The following COL15A1 variants were observed in gnomAD, a reference collection of about 807,000 sequenced individuals.
The protein encoded by COL15A1 is collagen type XV alpha 1 chain.
In COL15A1, 111 loss-of-function variants were observed where a neutral mutation model predicts 165.9. The ratio of observed to expected loss-of-function variants is 0.67; its 90% confidence interval spans 0.57 to 0.78. The LOEUF (loss-of-function observed/expected upper bound fraction) is 0.78. Among genes scored for constraint, COL15A1 ranks in the 30% least tolerant of loss-of-function variants. The probability of loss-of-function intolerance (pLI) is 0.00; values close to 1 mark genes in which losing one functional copy is unlikely to be tolerated. For missense variants in COL15A1, 1,745 were observed against 1,789.7 expected (o/e 0.98, Z 0.45); for synonymous variants, 659 against 674.8 (o/e 0.98, Z 0.36).
chr9:99,045,945 G>A (rs1588531830), intron 26 of COL15A1, among the ~76,000 whole-genome samples: 2 of 152,326 alleles, frequency 1.3e-5, no homozygotes, highest in East Asian at 3.9e-4. Context: ...AACTTTCGAG[G>A]TGAATCCTTC....
intron 2 of COL15A1, among the ~76,000 whole-genome samples, chr9:98,948,193 A>G (rs1237119806): frequency 6.6e-6 from 1 of 152,204 alleles, no homozygotes; most frequent in East Asian, 1.9e-4. Flanking sequence ...TCACAGGAAG[A>G]AAGAAAGGGC....
Position 99,054,599 on chromosome 9 carries a change from T to A in COL15A1, c.2974T>A (p.Trp992Arg), listed in dbSNP as rs773224147. 1 of 1,613,104 alleles carries A rather than the reference T, an allele frequency of 6.2e-7. No homozygotes were observed. The highest frequency in any genetic ancestry group is 8.5e-7 in the Non-Finnish European group (1 of 1,179,694). The change falls in exon 32 of 42, where the codon TGG becomes AGG. Residue 992 changes from tryptophan to arginine, a missense_variant. Physicochemically the swap from Trp to Arg is moderately radical, Grantham distance 101. Coordinates refer to ENST00000375001, the MANE Select transcript of COL15A1 (RefSeq NM_001855.5). ...FHGVKGEKGS[W>R]GLPGSKGEKG... is the part of the protein sequence containing the mutation. ...AGGTGTTAAAGGAGAGAAAGGATCC[T>A]GGGGTCTTCCTGGCTCAAAGGGAGA...
chr9:99,031,384 C>T (rs1839211217), intron 16 of COL15A1, among the ~76,000 whole-genome samples: 1 of 152,192 alleles, frequency 6.6e-6, no homozygotes, highest in Non-Finnish European at 1.5e-5. Context: ...CTTCCTCCAG[C>T]ATCAGGTGGA....
At chr9:98,947,121 T>C (rs1837600026) in intron 2 of COL15A1, among the ~76,000 whole-genome samples, 1 of 152,188 alleles carries the variant, frequency 6.6e-6, no homozygotes, top group African/African-American at 2.4e-5. Context: ...TTATTTATAA[T>C]GACCAAAACT....
Position 99,062,049 on chromosome 9 carries a change from G to T in COL15A1, c.3481G>T (p.Asp1161Tyr). The part of the protein sequence containing the change: ...VIEGTFIYLR[D>Y]STEFFIRVRD... ...AGAAGGAACATTCATCTACCTGAGGGACAGCACTGAGTTTTTCATTCGTGT... is the reference window on the plus strand; with the variant it reads ...AGAAGGAACATTCATCTACCTGAGGTACAGCACTGAGTTTTTCATTCGTGT... Residue 1161 changes from aspartate (D) to tyrosine (Y), a missense_variant, in exon 37 of 42, where the codon GAC becomes TAC. Transcript: ENST00000375001. 1 of 1,614,138 alleles carries T rather than the reference G, an allele frequency of 6.2e-7. No homozygotes were observed.
intron 2 of COL15A1, among the ~76,000 whole-genome samples, chr9:98,961,138 A>T (rs1837858832): frequency 1.3e-5 from 2 of 152,184 alleles, no homozygotes; most frequent in Non-Finnish European, 2.9e-5. Context: ...TTTCTCATTC[A>T]TCCATTTGTT....
rs779310746 is a variant in COL15A1 at position 99,056,441 on chromosome 9, C to T, written c.3337+37C>T. ...AAACAGTGCCCTTGTTCATGCTGTC[C>T]CTACCATTGTGTTCAAGGTCACAGC... is the stretch of plus-strand genomic sequence containing the variant. On this transcript the variant is annotated intron_variant, in intron 35 of 41. Coordinates refer to ENST00000375001, the MANE Select transcript of COL15A1 (RefSeq NM_001855.5). 2.6e-6 allele frequency: 4 copies of T among 1,557,256 alleles called. No homozygotes were observed. In the African/African-American group the frequency reaches 4.1e-5, roughly 16 times the overall value.
chr9:99,032,838 G>T (rs531752322), intron 16 of COL15A1, among the ~76,000 whole-genome samples: 105 of 152,242 alleles, frequency 6.9e-4, no homozygotes, highest in Non-Finnish European at 1.3e-3. Flanking sequence ...TCTGCATTTC[G>T]ACAGTTTTCT....
intron 7 of COL15A1, among the ~76,000 whole-genome samples, chr9:99,001,534 G>C (rs561183374): frequency 6.6e-6 from 1 of 152,152 alleles, no homozygotes; most frequent in Non-Finnish European, 1.5e-5. Flanking sequence ...AATTTTCACA[G>C]ATATTTAAAA....
rs556824568 is a variant in COL15A1 at position 98,944,109 on chromosome 9, C to G, written c.11+37C>G. On this transcript the variant is annotated intron_variant, in intron 1 of 41. Coordinates refer to ENST00000375001, the MANE Select transcript of COL15A1 (RefSeq NM_001855.5). ...TTCTCTGCTTCCTCGCGTCCCGGGC[C>G]CCTCCAATACTCTTGCCCGCCTCAC... 2.2e-5 allele frequency: 35 copies of G among 1,614,140 alleles called. 1 individual carries two copies. The Middle Eastern group carries it at 8.2e-4, about 38-fold the overall frequency.
At chr9:99,052,326 C>A (rs1839603723) in intron 30 of COL15A1, 62 bp from the exon 31 acceptor site, 1 of 1,243,162 alleles carries the variant, frequency 8.0e-7, no homozygotes, top group Admixed American at 1.7e-5. Flanking sequence ...CAGTGGCTGC[C>A]TGTTTCTGCA....
chr9:98,970,915 G>A (rs1374269651), intron 2 of COL15A1, among the ~76,000 whole-genome samples: 5 of 152,138 alleles, frequency 3.3e-5, no homozygotes, highest in East Asian at 1.9e-4. Flanking sequence ...GTGAACCTTC[G>A]AAAGTATGTG....
At chr9:99,017,430 C>T (rs1324566098) in intron 11 of COL15A1, among the ~76,000 whole-genome samples, 4 of 152,132 alleles carry the variant, frequency 2.6e-5, no homozygotes, top group Non-Finnish European at 5.9e-5. Flanking sequence ...GCCAGGAGTT[C>T]GAGGTTCTGC....
intron 22 of COL15A1, 30 bp from the exon 23 acceptor site, chr9:99,040,491 C>T: frequency 6.2e-7 from 1 of 1,614,156 alleles, no homozygotes. Flanking sequence ...CGCTCCTAAT[C>T]CAGCGTGCTC....
intron 5 of COL15A1, among the ~76,000 whole-genome samples, chr9:98,992,811 T>G (rs1235847329): frequency 1.3e-5 from 2 of 152,150 alleles, no homozygotes; most frequent in African/African-American, 4.8e-5. Flanking sequence ...AAGCCAGGCC[T>G]CACTCCCCAG....
intron 6 of COL15A1, among the ~76,000 whole-genome samples, chr9:99,000,342 A>G (rs926122071): frequency 6.6e-6 from 1 of 152,022 alleles, no homozygotes; most frequent in African/African-American, 2.4e-5. Flanking sequence ...ATATACATAT[A>G]TGTATATATT....
rs57023674 is a variant in COL15A1, at chr9:99,048,802, T to G, written c.2793+802T>G. Reference sequence around the variant, plus strand: ...TGGTGATAACTATTGCATGAGATACTATGCAGGGATCTTGTTTTACATAAG... The same window carrying G: ...TGGTGATAACTATTGCATGAGATACGATGCAGGGATCTTGTTTTACATAAG... On this transcript the variant is annotated intron_variant, in intron 28 of 41. Transcript: ENST00000375001. Among the ~76,000 whole-genome samples the G allele has an allele frequency of 5.9e-4, 88 of 150,242 alleles. No individual in the cohort carries two copies. In the East Asian group the frequency reaches 0.015, roughly 26 times the overall value.
intron 2 of COL15A1, among the ~76,000 whole-genome samples, chr9:98,947,806 T>C (rs1454305409): frequency 2.0e-5 from 3 of 152,106 alleles, no homozygotes; most frequent in Non-Finnish European, 4.4e-5. Flanking sequence ...AACACATGCA[T>C]ATGGGTTTTT....
intron 7 of COL15A1, 60 bp downstream of exon 7, chr9:99,001,011 A>C: frequency 1.2e-6 from 1 of 825,424 alleles, no homozygotes; most frequent in Admixed American, 1.9e-5. Context: ...CTTATTTCAA[A>C]CTTGGTGATG....
Sources: allele counts gnomAD v4.1 joint callset (sites outside exome capture counted in the v4.1 genomes callset), GRCh38; gene constraint gnomAD v4.1.1; transcripts MANE v1.5; gene names NCBI Gene and HGNC (gene_info 2026-07-23, HGNC 2026-07-21).